Variants in LINGO2 observed in about 807,000 individuals in gnomAD.
LINGO2 encodes leucine rich repeat and Ig domain containing 2.
A neutral mutation model predicts 30.6 loss-of-function variants in LINGO2; 14 were observed. The observed-to-expected ratio is 0.46, with a 90% CI of 0.30 to 0.72. The LOEUF (loss-of-function observed/expected upper bound fraction) is 0.72, where lower values mean the gene tolerates loss of function less well. LINGO2 is among the 30% of genes least tolerant of loss of function. The pLI is 0.07. For synonymous variants in LINGO2, 317 were observed against 288.5 expected, an observed-to-expected ratio of 1.10 and a Z score of -1.00; for missense variants, 729 against 751.7, an observed-to-expected ratio of 0.97 and a Z score of 0.35.
intron 3 of LINGO2, among the ~76,000 whole-genome samples, chr9:28,351,938 C>G (rs1193927075): frequency 1.3e-5 from 2 of 150,966 alleles, no homozygotes; most frequent in Non-Finnish European, 2.9e-5. Context: ...AAGCCTTTGA[C>G]AAAATTCAAC....
At chr9:28,245,856 G>A (rs1433414583) in intron 4 of LINGO2, among the ~76,000 whole-genome samples, 1 of 152,038 alleles carries the variant, frequency 6.6e-6, no homozygotes, top group Non-Finnish European at 1.5e-5. Context: ...ATAATGAAAT[G>A]GCCATACTGC....
the LINGO2 span, among the ~76,000 whole-genome samples, chr9:28,975,307 C>T: frequency 6.6e-6 from 1 of 152,096 alleles, no homozygotes; most frequent in African/African-American, 2.4e-5. Context: ...CATTTGACTC[C>T]AACTTAATCT....
chr9:28,358,964 G>A (rs557592442), intron 3 of LINGO2, among the ~76,000 whole-genome samples: 1 of 152,222 alleles, frequency 6.6e-6, no homozygotes, highest in East Asian at 1.9e-4. Context: ...CTCATTAGCT[G>A]TTGTCAAGGC....
At chr9:27,949,019 T>C in exon 6 of LINGO2, 1 of 1,614,048 alleles carries the variant, frequency 6.2e-7, no homozygotes, top group African/African-American at 1.3e-5. Context: ...CTCCCAGGAA[T>C]GTGAAGCAGC....
intron 1 of LINGO2, among the ~76,000 whole-genome samples, chr9:28,648,512 G>C (rs1827942041): frequency 6.6e-6 from 1 of 152,062 alleles, no homozygotes; most frequent in African/African-American, 2.4e-5. Context: ...AACACATTAA[G>C]TCTAATAATC....
At chr9:29,124,847 G>A in the LINGO2 span, among the ~76,000 whole-genome samples, 1 of 152,164 alleles carries the variant, frequency 6.6e-6, no homozygotes, top group East Asian at 1.9e-4. Flanking sequence ...GTGGAAGACA[G>A]TGTAGCGATT....
At chr9:29,029,468 C>T in the LINGO2 span, among the ~76,000 whole-genome samples, 26,410 of 151,958 alleles carry the variant, frequency 0.17, 2,429 homozygotes, top group East Asian at 0.34. Context: ...GCAGAGAACT[C>T]TTCAGTCTTT....
At chr9:28,075,217 C>T (rs181613411) in intron 4 of LINGO2, among the ~76,000 whole-genome samples, 11 of 151,998 alleles carry the variant, frequency 7.2e-5, no homozygotes, top group Admixed American at 5.9e-4. Flanking sequence ...AGTATCAAAG[C>T]ATAGGTATTA....
At chr9:28,978,845 G>A in the LINGO2 span, among the ~76,000 whole-genome samples, 1 of 115,436 alleles carries the variant, frequency 8.7e-6, no homozygotes, top group Non-Finnish European at 2.0e-5. Flanking sequence ...TCTGAAGAGT[G>A]TTGAATAAAT....
chr9:28,821,549 C>G, the LINGO2 span, among the ~76,000 whole-genome samples: 1 of 152,210 alleles, frequency 6.6e-6, no homozygotes, highest in Non-Finnish European at 1.5e-5. Flanking sequence ...GTAGCTGCAA[C>G]AGTCCTACCT....
chr9:29,138,515 T>C, the LINGO2 span, among the ~76,000 whole-genome samples: 10 of 152,234 alleles, frequency 6.6e-5, no homozygotes. Context: ...TACTTTTCTA[T>C]ATTTGACATG....
At chr9:28,058,033 T>G (rs1825014314) in intron 4 of LINGO2, among the ~76,000 whole-genome samples, 2 of 152,286 alleles carry the variant, frequency 1.3e-5, no homozygotes, top group East Asian at 3.9e-4. Flanking sequence ...TGATAATTTT[T>G]ATATCTTTGG....
intron 4 of LINGO2, among the ~76,000 whole-genome samples, chr9:28,192,203 G>A (rs1180070386): frequency 6.6e-6 from 1 of 151,912 alleles, no homozygotes; most frequent in Non-Finnish European, 1.5e-5. Flanking sequence ...GTGTATGTGT[G>A]TATACATATT....
chr9:28,653,780 G>C (rs1486001909), intron 1 of LINGO2, among the ~76,000 whole-genome samples: 1 of 151,970 alleles, frequency 6.6e-6, no homozygotes, highest in Admixed American at 6.6e-5. Flanking sequence ...ATTCTGATTG[G>C]TTGGTTCTCT....
At chr9:28,556,528 T>C (rs529693806) in intron 1 of LINGO2, among the ~76,000 whole-genome samples, 2 of 152,126 alleles carry the variant, frequency 1.3e-5, no homozygotes, top group African/African-American at 2.4e-5. Flanking sequence ...TATTCCATGC[T>C]CATGGGTAGG....
At chr9:28,345,166 A>C (rs575580246) in intron 3 of LINGO2, among the ~76,000 whole-genome samples, 1 of 152,278 alleles carries the variant, frequency 6.6e-6, no homozygotes, top group East Asian at 1.9e-4. Context: ...TCTGATTCTA[A>C]GGTTTGAGAA....
chr9:27,987,122 C>A (rs1330347803), intron 5 of LINGO2, among the ~76,000 whole-genome samples: 1 of 151,732 alleles, frequency 6.6e-6, no homozygotes, highest in Non-Finnish European at 1.5e-5. Flanking sequence ...AAAAAACCAA[C>A]CTTCAAGGGG....
chr9:28,883,717 A>C, the LINGO2 span, among the ~76,000 whole-genome samples: 25 of 135,220 alleles, frequency 1.8e-4, no homozygotes, highest in Admixed American at 3.2e-4. Context: ...TTGCTTTGTC[A>C]CCCAGGCTGA....
chr9:29,056,939 T>C, the LINGO2 span, among the ~76,000 whole-genome samples: 3 of 152,194 alleles, frequency 2.0e-5, no homozygotes, highest in African/African-American at 7.2e-5. Flanking sequence ...TCTGTTCCGT[T>C]GGTCTATGTG....
Sources: allele counts gnomAD v4.1 joint callset (sites outside exome capture counted in the v4.1 genomes callset), GRCh38; gene constraint gnomAD v4.1.1; transcripts MANE v1.5; gene names NCBI Gene and HGNC (gene_info 2026-07-23, HGNC 2026-07-21).